Variants in ATP10A observed in about 807,000 individuals in gnomAD.
ATP10A encodes the protein phospholipid-transporting ATPase VA.
In ATP10A, 111 loss-of-function variants were observed where a neutral mutation model predicts 147.8. The observed-to-expected ratio is 0.75, with a 90% confidence interval of 0.64 to 0.88. The LOEUF is 0.88. ATP10A is among the 40% of genes least tolerant of loss of function. ATP10A has a pLI of 0.00. For synonymous variants in ATP10A, 875 were observed against 841.6 expected, an observed-to-expected ratio of 1.04 and a Z score of -0.69; for missense variants, 1,927 against 1,959.0, an observed-to-expected ratio of 0.98 and a Z score of 0.31.
chr15:25,697,046 C>T (rs1022661095), intron 13 of ATP10A, among the ~76,000 whole-genome samples: 2 of 152,182 alleles, frequency 1.3e-5, no homozygotes, highest in African/African-American at 4.8e-5. Flanking sequence ...TGCCAGAAGA[C>T]TGAAAAGGGG....
chr15:25,673,104 C>A (rs773762565), downstream of ATP10A, among the ~76,000 whole-genome samples: 22 of 152,108 alleles, frequency 1.4e-4, no homozygotes, highest in Non-Finnish European at 2.4e-4. Flanking sequence ...CCCTCAGGGG[C>A]TCTGAGGGCT....
chr15:25,840,231 A>G (rs1368211069), intron 1 of ATP10A, among the ~76,000 whole-genome samples: 1 of 152,116 alleles, frequency 6.6e-6, no homozygotes, highest in Non-Finnish European at 1.5e-5. Flanking sequence ...TGCACATGTG[A>G]AGGTTTGTTA....
chr15:25,796,810 C>G (rs189073728), intron 1 of ATP10A, among the ~76,000 whole-genome samples: 1 of 152,266 alleles, frequency 6.6e-6, no homozygotes. Flanking sequence ...TTTGAGCTGG[C>G]CTTGTAGAGG....
chr15:25,781,408 G>A (rs1889916564), intron 1 of ATP10A, among the ~76,000 whole-genome samples, 185 bp from the exon 2 acceptor site: 1 of 152,158 alleles, frequency 6.6e-6, no homozygotes, highest in South Asian at 2.1e-4. Flanking sequence ...TGTAATCCCA[G>A]CACTTTGAGA....
chr15:25,792,785 C>T (rs888503730), intron 1 of ATP10A, among the ~76,000 whole-genome samples: 2 of 152,042 alleles, frequency 1.3e-5, no homozygotes, highest in Admixed American at 1.3e-4. Flanking sequence ...CAGGGCAGGG[C>T]TCTCATCGCT....
chr15:25,687,644 A>T, intron 16 of ATP10A, 59 bp downstream of exon 16: 1 of 1,186,460 alleles, frequency 8.4e-7, no homozygotes, highest in Non-Finnish European at 1.1e-6. Context: ...CATTCAGGCG[A>T]TGGTCCTAAG....
intron 1 of ATP10A, among the ~76,000 whole-genome samples, chr15:25,859,629 GT>G (rs1299959567): frequency 6.6e-6 from 1 of 151,962 alleles, no homozygotes; most frequent in African/African-American, 2.4e-5. Context: ...GCTCAAGAGG[GT>G]TTTCCTAAAT....
chr15:25,836,782 G>A (rs941129689), intron 1 of ATP10A, among the ~76,000 whole-genome samples: 2 of 152,030 alleles, frequency 1.3e-5, no homozygotes, highest in Non-Finnish European at 2.9e-5. Flanking sequence ...CGTTACTGTC[G>A]GTTCACAGTA....
chr15:25,674,732 C>A (rs1001212048), downstream of ATP10A, among the ~76,000 whole-genome samples: 1 of 152,126 alleles, frequency 6.6e-6, no homozygotes, highest in Non-Finnish European at 1.5e-5. Context: ...AAAAAGATAG[C>A]CTTTTCTAAA....
intron 1 of ATP10A, among the ~76,000 whole-genome samples, chr15:25,800,475 T>G (rs1890885984): frequency 6.6e-6 from 1 of 152,152 alleles, no homozygotes; most frequent in Non-Finnish European, 1.5e-5. Context: ...AGTTCTCACC[T>G]GCCCTCCCCT....
At chr15:25,676,295 C>T (rs1187179245), downstream of ATP10A, among the ~76,000 whole-genome samples, 1 of 152,202 alleles carries the variant, frequency 6.6e-6, no homozygotes, top group African/African-American at 2.4e-5. Context: ...TCTGTGCTCA[C>T]TCCTCTCCCA....
rs1051636232 is a variant in ATP10A at position 25,795,960 on chromosome 15, C to A, written c.450-14737G>T. On this transcript the variant is annotated intron_variant, in intron 1 of 20. Coordinates refer to ENST00000555815, the MANE Select transcript of ATP10A (RefSeq NM_024490.4). ...CCCTCCTCACCCCTGTGATTCTGCT[C>A]GCCTCTCCCTTCCCCTATGAGAGGA... Among the ~76,000 whole-genome samples the A allele has an allele frequency of 3.4e-4, 51 of 152,214 alleles. 1 individual carries two copies. The highest frequency in any genetic ancestry group is 1.1e-3 in the African/African-American group (46 of 41,516).
In ATP10A at chr15:25,679,517, A is replaced by C. The variant is rs771190510; in HGVS notation, c.4324T>G (p.Ser1442Ala). 6.2e-7 allele frequency: 1 copy of C among 1,613,690 alleles called. No individual in the cohort carries two copies. The highest frequency in any genetic ancestry group is 1.7e-5 in the Admixed American group (1 of 60,020). ...AGCCTGCTGACCAGCGACCAGGAGG[A>C]AATCCAGTTGAGTAAGCTGAAGGTA... ...LPTFSLLNWI[S>A]SWSLVSRLGS... The change falls in exon 21 of 21, where the codon TCC (serine) becomes GCC (alanine). Residue 1442 changes from serine (S) to alanine (A), a missense_variant. By Grantham distance (99) the Ser-to-Ala change is moderately conservative. Transcript: ENST00000555815.
chr15:25,805,934 A>C (rs1891160383), intron 1 of ATP10A, among the ~76,000 whole-genome samples: 1 of 152,362 alleles, frequency 6.6e-6, no homozygotes, highest in Non-Finnish European at 1.5e-5. Context: ...AATGATTATA[A>C]GCAGCCCCTT....
In ATP10A at chr15:25,726,054, GT is replaced by G; in HGVS notation, c.875del (p.Asn292ThrfsTer15). On this transcript the variant is annotated frameshift_variant, in exon 5 of 21. Transcript: ENST00000555815. LOFTEE classifies it high-confidence loss of function. The stretch of plus-strand genomic sequence containing the variant: ...TGCTGCGCTTGTAGCGGGGCCCACT[GT>G]TGTTCAGCAGAGCCTTGGTTTCATG... ...AGHETKALLN[N>X]SGPRYKRSKL... 1 of 1,614,050 alleles carries G rather than the reference GT, an allele frequency of 6.2e-7. No individual in the cohort carries two copies. The highest frequency in any genetic ancestry group is 8.5e-7 in the Non-Finnish European group (1 of 1,179,954).
At chr15:25,758,911 A>G (rs1182985329) in intron 2 of ATP10A, among the ~76,000 whole-genome samples, 1 of 151,848 alleles carries the variant, frequency 6.6e-6, no homozygotes, top group Non-Finnish European at 1.5e-5. Flanking sequence ...CACCTGCTCC[A>G]CCCTAACTCA....
intron 1 of ATP10A, among the ~76,000 whole-genome samples, chr15:25,787,668 G>A (rs1359480014): frequency 6.6e-6 from 1 of 151,894 alleles, no homozygotes; most frequent in Non-Finnish European, 1.5e-5. Context: ...AAAGGTGGGA[G>A]GAAAGGCAGA....
chr15:25,776,181 C>A lies in ATP10A; in HGVS notation c.654+4838G>T, dbSNP rs538809672. On this transcript the variant is annotated intron_variant, in intron 2 of 20. Transcript: ENST00000555815. ...GGATCTCCTAGTTCTGCAGAAATGACAAATGTTACAAATGAACTAGAAACT... is the reference window on the plus strand; with the variant it reads ...GGATCTCCTAGTTCTGCAGAAATGAAAAATGTTACAAATGAACTAGAAACT... Among the ~76,000 whole-genome samples, 4 of 152,292 alleles carry A rather than the reference C, an allele frequency of 2.6e-5. No individual in the cohort carries two copies. In the East Asian group the frequency reaches 7.7e-4, roughly 29 times the overall value.
At chr15:25,847,749 G>A (rs1470487519) in intron 1 of ATP10A, among the ~76,000 whole-genome samples, 3 of 147,306 alleles carry the variant, frequency 2.0e-5, no homozygotes, top group Non-Finnish European at 4.5e-5. Flanking sequence ...AACAATCTCA[G>A]CCCCGCAAGC....
Sources: allele counts gnomAD v4.1 joint callset (sites outside exome capture counted in the v4.1 genomes callset), GRCh38; gene constraint gnomAD v4.1.1; transcripts MANE v1.5; gene names NCBI Gene and HGNC (gene_info 2026-07-23, HGNC 2026-07-21).